HSF2: variants seen among roughly 807,000 people sequenced by gnomAD.
The protein encoded by HSF2 is heat shock factor protein 2.
In HSF2, 21 loss-of-function variants were observed where a neutral mutation model predicts 65.0. That is an observed-to-expected ratio of 0.32 (90% CI 0.23 to 0.47). The LOEUF (loss-of-function observed/expected upper bound fraction) is 0.47. HSF2 is among the 20% of genes least tolerant of loss of function. The pLI, the probability that HSF2 is intolerant of heterozygous loss-of-function variation, is 1.00. For missense variants in HSF2, 499 were observed against 628.1 expected (o/e 0.79, Z 2.20); for synonymous variants, 225 against 219.1 (o/e 1.03, Z -0.24).
rs187734235 is a variant in HSF2 at position 122,412,822 on chromosome 6, G to A, written c.330+58G>A. The A allele has an allele frequency of 8.8e-3, 13,324 of 1,517,746 alleles. 60 individuals carry two copies. Among genetic ancestry groups the A allele is most frequent in the Non-Finnish European group, 0.01 (11,577 of 1,109,810 alleles). 94.0% of individuals were successfully genotyped at this position (1,517,746 alleles called of 1,614,324 possible). On this transcript the variant is annotated intron_variant, in intron 3 of 12. Transcript: ENST00000368455. ...ATTGACCTGGAGTGTGCTTGGCCAA[G>A]ATTTTTATTTCAGCTGTTGAAAGTA... is the stretch of plus-strand genomic sequence containing the variant.
At chr6:122,400,613 C>T (rs1401345420) in intron 1 of HSF2, among the ~76,000 whole-genome samples, 3 of 152,144 alleles carry the variant, frequency 2.0e-5, no homozygotes, top group Non-Finnish European at 4.4e-5. Context: ...TGACCTTAGT[C>T]CAGCCCTTTA....
intron 6 of HSF2, among the ~76,000 whole-genome samples, chr6:122,419,575 T>G (rs1353784772): frequency 6.6e-6 from 1 of 152,088 alleles, no homozygotes; most frequent in Non-Finnish European, 1.5e-5. Context: ...AAAATGAAAA[T>G]TTGTTTTACT....
At chr6:122,429,910 C>T (rs1226797362) in intron 11 of HSF2, among the ~76,000 whole-genome samples, 3 of 152,080 alleles carry the variant, frequency 2.0e-5, no homozygotes, top group African/African-American at 7.2e-5. Flanking sequence ...TTCAGTTTGC[C>T]AGTATTTTAT....
At chr6:122,428,136 A>G (rs578027359) in intron 11 of HSF2, among the ~76,000 whole-genome samples, 180 bp downstream of exon 11, 14 of 152,156 alleles carry the variant, frequency 9.2e-5, no homozygotes, top group African/African-American at 3.1e-4. Context: ...GTGGTGAACT[A>G]TTACCCACTT....
rs1189079824 is a variant in HSF2 at position 122,419,181 on chromosome 6, T to C, written c.545T>C (p.Ile182Thr). 3 of 1,472,676 alleles carry C rather than the reference T, an allele frequency of 2.0e-6. No individual in the cohort carries two copies. The highest frequency in any genetic ancestry group is 2.8e-6 in the Non-Finnish European group (3 of 1,058,286). 91.2% of individuals were successfully genotyped at this position (1,472,676 alleles called of 1,614,324 possible). A position where few individuals can be genotyped will look rare whatever the true frequency, so the allele number is the denominator to read the frequency against. Reference protein sequence around the residue: ...QQVIRKIVQFIVTLVQNNQLV... With the variant: ...QQVIRKIVQFTVTLVQNNQLV... ...TATTTTTTTCAGATTGTCCAGTTTA[T>C]TGTTACATTGGTTCAAAATAACCAA... Residue 182 changes from isoleucine to threonine, a missense_variant, in exon 6 of 13, where the codon ATT (isoleucine) becomes ACT (threonine). Ile to Thr is a moderately conservative substitution (Grantham distance 89). Transcript: ENST00000368455.
At chr6:122,399,868 T>A in intron 1 of HSF2, 38 bp downstream of exon 1, 1 of 1,446,918 alleles carries the variant, frequency 6.9e-7, no homozygotes, top group Non-Finnish European at 9.7e-7. Flanking sequence ...ACCCCCTGAA[T>A]AACCGCCTCC....
At position 122,418,699 on chromosome 6, in the gene HSF2, T is replaced by C. The variant is rs45609031; in HGVS notation, c.532-469T>C. On this transcript the variant is annotated intron_variant, in intron 5 of 12. Coordinates refer to ENST00000368455, the MANE Select transcript of HSF2 (RefSeq NM_004506.4). ...GTTGCCCAGGCTGGTCTCCGACTCCTGGGCTGAAGCAATCCTCCTACCTAG... is the reference window on the plus strand; with the variant it reads ...GTTGCCCAGGCTGGTCTCCGACTCCCGGGCTGAAGCAATCCTCCTACCTAG... Among the ~76,000 whole-genome samples, 12 of 152,280 alleles carry C rather than the reference T, an allele frequency of 7.9e-5. 1 individual carries two copies. The East Asian group carries it at 1.9e-3, about 25-fold the overall frequency.
chr6:122,419,981 G>A (rs535102856), intron 6 of HSF2, among the ~76,000 whole-genome samples, 154 bp from the exon 7 acceptor site: 25 of 152,096 alleles, frequency 1.6e-4, no homozygotes, highest in Admixed American at 7.2e-4. Flanking sequence ...CTGTTCCTAA[G>A]ATGTAATCAT....
chr6:122,423,441 A>G, intron 9 of HSF2, 140 bp from the exon 10 acceptor site: 1 of 495,352 alleles, frequency 2.0e-6, no homozygotes, highest in Non-Finnish European at 3.6e-6. Flanking sequence ...CTACTCTAGA[A>G]TAAGATCTCT....
chr6:122,423,647 A>T lies in HSF2; in HGVS notation c.1137A>T (p.Ser379=). ...CSLEDFQAML[S]GRQFSIDPDL... ...TAGAGGACTTCCAGGCCATGCTATC[A>T]GGAAGACAATTTAGCATAGACCCAG... The change falls in exon 10 of 13, where the codon TCA becomes TCT. Residue 379 remains serine, a synonymous_variant. Coordinates refer to ENST00000368455, the MANE Select transcript of HSF2 (RefSeq NM_004506.4). The T allele has an allele frequency of 6.2e-7, 1 of 1,610,330 alleles. No homozygotes were observed. The highest frequency in any genetic ancestry group is 8.5e-7 in the Non-Finnish European group (1 of 1,177,500).
chr6:122,403,139 C>T (rs1010473779), intron 1 of HSF2, among the ~76,000 whole-genome samples: 4 of 151,826 alleles, frequency 2.6e-5, no homozygotes, highest in South Asian at 2.1e-4. Context: ...TCTCTGGAGA[C>T]GTACATAACT....
chr6:122,431,906 G>A lies in HSF2; in HGVS notation c.1316-19G>A. On this transcript the variant is annotated intron_variant, in intron 12 of 12. Transcript: ENST00000368455. The stretch of plus-strand genomic sequence containing the variant: ...CAGTATAAGCTGGTGATAAAAGAGT[G>A]TTTTTCTGATCTTTATAGATAAGCA... 6.3e-7 allele frequency: 1 copy of A among 1,599,092 alleles called. No individual in the cohort carries two copies. The highest frequency in any genetic ancestry group is 1.7e-5 in the Admixed American group (1 of 57,882).
chr6:122,418,414 C>T (rs542381500), intron 5 of HSF2, among the ~76,000 whole-genome samples: 17 of 152,152 alleles, frequency 1.1e-4, no homozygotes, highest in Non-Finnish European at 1.8e-4. Context: ...ATCCAAAGTT[C>T]CTAAGCTAGT....
intron 1 of HSF2, among the ~76,000 whole-genome samples, chr6:122,406,741 A>G (rs566874798): frequency 6.6e-6 from 1 of 152,192 alleles, no homozygotes; most frequent in South Asian, 2.1e-4. Flanking sequence ...TCTTTTTGGC[A>G]TATTAACTTT....
At chr6:122,431,873 C>G in intron 12 of HSF2, 52 bp from the exon 13 acceptor site, 1 of 1,513,870 alleles carries the variant, frequency 6.6e-7, no homozygotes, top group African/African-American at 1.4e-5. Context: ...TTCCCCTCAG[C>G]TTGAACTCAG....
chr6:122,427,428 C>T (rs544385317), intron 10 of HSF2, among the ~76,000 whole-genome samples: 2 of 152,136 alleles, frequency 1.3e-5, no homozygotes, highest in South Asian at 2.1e-4. Context: ...GATATGCCAT[C>T]TGTCAGAGGG....
At position 122,399,673 on chromosome 6, in the gene HSF2, T is replaced by TAGCTGCCGCCGC. The variant is rs1554207211; in HGVS notation, c.-64_-53dup. ...GGGCGTTCTCGGGGAGCTGCTGCCG[T>TAGCTGCCGCCGC]AGCTGCCGCCGCCGCTACCACCGCG... On this transcript the variant is annotated 5_prime_UTR_variant, in exon 1 of 13. Transcript: ENST00000368455. 5 of 1,393,558 alleles carry TAGCTGCCGCCGC rather than the reference T, an allele frequency of 3.6e-6. No homozygotes were observed. Among genetic ancestry groups the TAGCTGCCGCCGC allele is most frequent in the Non-Finnish European group, 5.0e-6 (5 of 992,176 alleles). The allele number at this position is 1,393,558 out of a possible 1,614,324, so 86.3% of individuals were successfully genotyped here.
chr6:122,405,189 T>C (rs1478702539), intron 1 of HSF2, among the ~76,000 whole-genome samples: 2 of 148,378 alleles, frequency 1.3e-5, no homozygotes, highest in African/African-American at 5.0e-5. Context: ...GGAGGCTGAG[T>C]TGGGAGGATT....
Position 122,431,999 on chromosome 6 carries a change from C to A in HSF2, c.1390C>A (p.Gln464Lys). The A allele has an allele frequency of 6.2e-7, 1 of 1,614,006 alleles. No individual in the cohort carries two copies. Among genetic ancestry groups the A allele is most frequent in the African/African-American group, 1.3e-5 (1 of 75,024 alleles). ...TGGGAACCCTGCTTCTTCTGTTGAA[C>A]AGGCGAGTACAACAGCATCATCAGA... ...LDGNPASSVE[Q>K]ASTTASSEVL... is the part of the protein sequence containing the mutation. Residue 464 changes from glutamine (Q) to lysine (K), a missense_variant, in exon 13 of 13, where the codon CAG becomes AAG. By Grantham distance (53) the Gln-to-Lys change is moderately conservative. Around this residue, in one of 2 missense-constraint regions of HSF2, gnomAD observed 349 missense variants for 393.5 expected, o/e 0.89. Coordinates refer to ENST00000368455, the MANE Select transcript of HSF2 (RefSeq NM_004506.4).
Sources: allele counts gnomAD v4.1 joint callset (sites outside exome capture counted in the v4.1 genomes callset), GRCh38; gene constraint gnomAD v4.1.1; regional missense constraint gnomAD v4.1.1; transcripts MANE v1.5; gene names NCBI Gene and HGNC (gene_info 2026-07-23, HGNC 2026-07-21).